The following PAFAH2 variants were observed in gnomAD, a reference collection of about 807,000 sequenced individuals.
PAFAH2 encodes platelet-activating factor acetylhydrolase 2, cytoplasmic.
Under a neutral mutation model 49.0 loss-of-function variants are expected in PAFAH2, and 42 were observed. The observed-to-expected ratio is 0.86, with a 90% CI of 0.67 to 1.11. PAFAH2 has a LOEUF of 1.11. Ranked by LOEUF, PAFAH2 falls within the 50% of genes least tolerant of loss-of-function variation. The probability of loss-of-function intolerance (pLI) is 0.00; values close to 1 mark genes in which losing one functional copy is unlikely to be tolerated. For missense variants in PAFAH2, 503 were observed against 501.8 expected (o/e 1.00, Z -0.02); for synonymous variants, 184 against 181.3 (o/e 1.01, Z -0.12).
intron 10 of PAFAH2, among the ~76,000 whole-genome samples, chr1:25,965,860 TCAAA>T (rs1462999692): frequency 7.1e-4 from 51 of 71,780 alleles, no homozygotes; most frequent in African/African-American, 2.2e-3. Flanking sequence ...TACAAGGAAC[TCAAA>T]CAACTCAACA....
At position 25,990,708 on chromosome 1, in the gene PAFAH2, G is replaced by A. The variant is rs754481105; in HGVS notation, c.90+19C>T. On this transcript the variant is annotated intron_variant, in intron 2 of 10. Transcript: ENST00000374282. ...GCAGAAGCAGTGCAAACAGAAGAAA[G>A]GGAGCTGGGGACACTTACCTGGAGA... 1.3e-6 allele frequency: 2 copies of A among 1,599,662 alleles called. No homozygotes were observed. The highest frequency in any genetic ancestry group is 1.7e-6 in the Non-Finnish European group (2 of 1,167,260).
At chr1:25,988,004 A>G (rs2049808827) in intron 4 of PAFAH2, among the ~76,000 whole-genome samples, 1 of 152,240 alleles carries the variant, frequency 6.6e-6, no homozygotes, top group African/African-American at 2.4e-5. Context: ...ATGCTGGACC[A>G]TGAGAAGTAA....
rs2049728568 is a variant in PAFAH2 at position 25,983,571 on chromosome 1, AAAC to A, written c.552+372_552+374del. On this transcript the variant is annotated intron_variant, in intron 6 of 10. Transcript: ENST00000374282. ...GATCCTGTCTCAAAAACAAAAAAAA[AAAC>A]AACTTATGGTTCTAACCTTGGAAAG... 2.6e-5 allele frequency among the ~76,000 whole-genome samples: 4 copies of A among 151,714 alleles called. 1 individual carries two copies. The highest frequency in any genetic ancestry group is 4.4e-5 in the Non-Finnish European group (3 of 67,906).
At chr1:25,963,367 C>T (rs1281025120) in intron 10 of PAFAH2, among the ~76,000 whole-genome samples, 1 of 151,544 alleles carries the variant, frequency 6.6e-6, no homozygotes, top group Non-Finnish European at 1.5e-5. Flanking sequence ...GTGGCAGAGA[C>T]AAACAATAAA....
At chr1:25,988,356 T>G (rs776158615) in intron 3 of PAFAH2, 29 bp from the exon 4 acceptor site, 2 of 1,553,194 alleles carry the variant, frequency 1.3e-6, no homozygotes, top group South Asian at 1.1e-5. Flanking sequence ...ATAGAATATC[T>G]GGCTGCCCCA....
intron 1 of PAFAH2, among the ~76,000 whole-genome samples, chr1:25,993,869 G>A (rs1001379305): frequency 1.3e-5 from 2 of 152,154 alleles, no homozygotes; most frequent in South Asian, 4.1e-4. Flanking sequence ...GGAGTTCTGA[G>A]AAGAAACAGT....
intron 9 of PAFAH2, among the ~76,000 whole-genome samples, chr1:25,973,179 C>T (rs1038236271): frequency 6.6e-6 from 1 of 152,276 alleles, no homozygotes; most frequent in Admixed American, 6.5e-5. Flanking sequence ...AAAGGAATTA[C>T]TTGCCTTTAT....
At chr1:25,996,631 G>A (rs1181609052) in intron 1 of PAFAH2, among the ~76,000 whole-genome samples, 1 of 152,072 alleles carries the variant, frequency 6.6e-6, no homozygotes, top group South Asian at 2.1e-4. Flanking sequence ...GACAGAGCGA[G>A]ACTCCATCTC....
At chr1:25,972,768 G>C (rs1309599143) in intron 9 of PAFAH2, 56 bp from the exon 10 acceptor site, 1 of 1,580,920 alleles carries the variant, frequency 6.3e-7, no homozygotes, top group East Asian at 2.2e-5. Context: ...ATACAGATGT[G>C]TGTTAGGCAC....
At chr1:25,970,459 C>G (rs2049489826) in intron 10 of PAFAH2, among the ~76,000 whole-genome samples, 1 of 152,216 alleles carries the variant, frequency 6.6e-6, no homozygotes, top group African/African-American at 2.4e-5. Flanking sequence ...GCCTGAGAGA[C>G]AGAGTGAGAC....
At chr1:25,980,022 T>C (rs985154478) in intron 7 of PAFAH2, among the ~76,000 whole-genome samples, 3 of 152,228 alleles carry the variant, frequency 2.0e-5, no homozygotes, top group Non-Finnish European at 4.4e-5. Context: ...TAAAGCACTC[T>C]AGATTCCAGG....
chr1:25,969,923 A>G (rs1199953428), intron 10 of PAFAH2, among the ~76,000 whole-genome samples: 4 of 152,196 alleles, frequency 2.6e-5, no homozygotes, highest in African/African-American at 9.6e-5. Context: ...CCTGCTTGCC[A>G]GGTGATAAGA....
At position 25,960,509 on chromosome 1, in the gene PAFAH2, G is replaced by A. The variant is rs2049324320; in HGVS notation, c.*1480C>T. 1 of 152,594 alleles carries A rather than the reference G, an allele frequency of 6.6e-6. No homozygotes were observed. Among genetic ancestry groups the A allele is most frequent in the South Asian group, 2.1e-4 (1 of 4,828 alleles). 9.5% of individuals were successfully genotyped at this position (152,594 alleles called of 1,614,324 possible). On this transcript the variant is annotated 3_prime_UTR_variant, in exon 11 of 11. Coordinates refer to ENST00000374282, the MANE Select transcript of PAFAH2 (RefSeq NM_000437.4). ...AGACAGAAGGAAGTCAATTCCAGATGGCTCTCCATCTTGCTCTACTGCAGA... is the reference window on the plus strand; with the variant it reads ...AGACAGAAGGAAGTCAATTCCAGATAGCTCTCCATCTTGCTCTACTGCAGA...
chr1:25,971,369 C>A (rs1480031871), intron 10 of PAFAH2, among the ~76,000 whole-genome samples: 1 of 151,790 alleles, frequency 6.6e-6, no homozygotes, highest in African/African-American at 2.4e-5. Context: ...TCAAAGAAAT[C>A]CAAAAAAATA....
chr1:25,992,224 C>G (rs1027857660), intron 1 of PAFAH2, among the ~76,000 whole-genome samples: 6 of 152,126 alleles, frequency 3.9e-5, no homozygotes, highest in Non-Finnish European at 8.8e-5. Context: ...AGCCACCACA[C>G]CCAGCTTTTA....
chr1:25,968,338 G>A (rs2049459211), intron 10 of PAFAH2, among the ~76,000 whole-genome samples: 1 of 152,108 alleles, frequency 6.6e-6, no homozygotes, highest in Admixed American at 6.6e-5. Context: ...GGAAGGTGGG[G>A]AGAGGTGGTG....
chr1:25,988,984 T>TG (rs2049832113), intron 3 of PAFAH2, among the ~76,000 whole-genome samples: 1 of 151,996 alleles, frequency 6.6e-6, no homozygotes, highest in African/African-American at 2.4e-5. Flanking sequence ...GAGGGGTGAC[T>TG]GGAGGGAAAA....
chr1:25,994,508 T>C (rs1348842182), intron 1 of PAFAH2, among the ~76,000 whole-genome samples: 1 of 152,156 alleles, frequency 6.6e-6, no homozygotes, highest in Non-Finnish European at 1.5e-5. Context: ...GGGAACACTA[T>C]CCATCCTCAC....
chr1:25,982,655 G>GCCTAA lies in PAFAH2; in HGVS notation c.553-183_553-179dup, dbSNP rs145840320. Among the ~76,000 whole-genome samples the GCCTAA allele has an allele frequency of 6.5e-3, 984 of 152,324 alleles. 7 individuals carry two copies. Among genetic ancestry groups the GCCTAA allele is most frequent in the Non-Finnish European group, 0.012 (805 of 68,038 alleles). ...CTACCTTGCAGCTCACATAAGCACTGCCTAACATTAGAACAGACTCAGCCC... is the reference window on the plus strand; with the variant it reads ...CTACCTTGCAGCTCACATAAGCACTGCCTAACCTAACATTAGAACAGACTCAGCCC... On this transcript the variant is annotated intron_variant, in intron 6 of 10. Transcript: ENST00000374282.
Sources: gnomAD v4.1 joint callset for allele counts (sites outside exome capture counted in the v4.1 genomes callset) on GRCh38, gnomAD v4.1.1 for gene constraint, MANE v1.5 for transcripts, NCBI Gene and HGNC (gene_info 2026-07-23, HGNC 2026-07-21) for gene names.